Variants in ZC3H11A observed in about 807,000 individuals in gnomAD.
The protein encoded by ZC3H11A is zinc finger CCCH-type containing 11A.
Under a neutral mutation model 90.8 loss-of-function variants are expected in ZC3H11A, and 22 were observed. The ratio of observed to expected loss-of-function variants is 0.24; its 90% CI spans 0.17 to 0.35. The LOEUF (loss-of-function observed/expected upper bound fraction) is 0.35, where lower values mean the gene tolerates loss of function less well. Among genes scored for constraint, ZC3H11A ranks in the 10% least tolerant of loss-of-function variants. ZC3H11A has a pLI of 1.00. For missense variants in ZC3H11A, 701 were observed against 964.9 expected (o/e 0.73, Z 3.62); for synonymous variants, 294 against 339.8 (o/e 0.87, Z 1.48).
intron 2 of ZC3H11A, among the ~76,000 whole-genome samples, chr1:203,809,481 C>G (rs985071316): frequency 6.6e-6 from 1 of 152,036 alleles, no homozygotes; most frequent in Non-Finnish European, 1.5e-5. Flanking sequence ...CAGCCCCACT[C>G]TTTTTTCATA....
At chr1:203,847,078 A>C in intron 12 of ZC3H11A, 106 bp from the exon 13 acceptor site, 1 of 1,231,238 alleles carries the variant, frequency 8.1e-7, no homozygotes, top group Admixed American at 2.3e-5. Flanking sequence ...TGCCTGCTTA[A>C]ATGATAGCTC....
Position 203,802,039 on chromosome 1 carries a change from G to A in ZC3H11A, c.-1123G>A, listed in dbSNP as rs767265338. ...TGATACTGGTGTTGATACAAAATAA[G>A]AAATAAATTTTCCCTTAGATAAAGC... On this transcript the variant is annotated 5_prime_UTR_variant, in exon 2 of 18. Transcript: ENST00000367210. 1 of 152,546 alleles carries A rather than the reference G, an allele frequency of 6.6e-6. No homozygotes were observed. The highest frequency in any genetic ancestry group is 1.5e-5 in the Non-Finnish European group (1 of 67,994). 9.4% of individuals were successfully genotyped at this position (152,546 alleles called of 1,614,324 possible). A position where few individuals can be genotyped will look rare whatever the true frequency, so the allele number is the denominator to read the frequency against.
intron 12 of ZC3H11A, among the ~76,000 whole-genome samples, chr1:203,842,347 G>A (rs978654380): frequency 7.9e-5 from 12 of 152,280 alleles, no homozygotes; most frequent in Non-Finnish European, 1.6e-4. Context: ...CTGCAATCCC[G>A]GCACCTCGGG....
chr1:203,833,456 A>G (rs183141005), intron 9 of ZC3H11A, among the ~76,000 whole-genome samples: 1 of 151,132 alleles, frequency 6.6e-6, no homozygotes, highest in African/African-American at 2.4e-5. Flanking sequence ...GCTTGAACCC[A>G]GGAGGTGGAA....
chr1:203,815,211 C>CTTTCT (rs779729339), intron 2 of ZC3H11A, among the ~76,000 whole-genome samples: 1,144 of 59,246 alleles, frequency 0.019, 45 homozygotes, highest in African/African-American at 0.05. Flanking sequence ...TCTTCCTTTT[C>CTTTCT]TTTTCTTTTT....
intron 8 of ZC3H11A, among the ~76,000 whole-genome samples, chr1:203,830,844 A>G (rs1020863864): frequency 2.0e-5 from 3 of 150,872 alleles, no homozygotes; most frequent in Non-Finnish European, 3.0e-5. Context: ...ATTTTCTAGT[A>G]GAAGAGTTCT....
chr1:203,814,326 C>T lies in ZC3H11A; in HGVS notation c.-145-2600C>T, dbSNP rs188385820. On this transcript the variant is annotated intron_variant, in intron 2 of 17. Coordinates refer to ENST00000367210, the MANE Select transcript of ZC3H11A (RefSeq NM_001376342.1). ...ATCATCTGAGGTCAGAAGTTCAAGA[C>T]CAGCCTGGCCAACATGGCGAAACCC... Among the ~76,000 whole-genome samples the T allele has an allele frequency of 1.2e-4, 18 of 152,256 alleles. No individual in the cohort carries two copies. The East Asian group carries it at 3.5e-3, about 29-fold the overall frequency.
chr1:203,842,598 GGGGAGA>G (rs1686740642), intron 12 of ZC3H11A, among the ~76,000 whole-genome samples: 2 of 151,064 alleles, frequency 1.3e-5, no homozygotes, highest in Non-Finnish European at 3.0e-5. Flanking sequence ...GAGGGAGACC[GGGGAGA>G]GGGGGAGGGG....
chr1:203,829,324 A>C, intron 5 of ZC3H11A, 127 bp from the exon 6 acceptor site: 1 of 944,638 alleles, frequency 1.1e-6, no homozygotes. Flanking sequence ...TTAGAACTTA[A>C]ATGAGGAAAT....
chr1:203,815,297 C>T (rs575055614), intron 2 of ZC3H11A, among the ~76,000 whole-genome samples: 4 of 142,082 alleles, frequency 2.8e-5, no homozygotes, highest in Non-Finnish European at 6.0e-5. Context: ...TCACTGCAAC[C>T]TCTGCCTCCT....
intron 13 of ZC3H11A, 125 bp from the exon 14 acceptor site, chr1:203,848,206 G>T: frequency 3.7e-6 from 3 of 801,624 alleles, no homozygotes; most frequent in Non-Finnish European, 6.0e-6. Context: ...AGCACAGATG[G>T]GCTTTATCTG....
At chr1:203,829,694 G>C in intron 6 of ZC3H11A, 40 bp downstream of exon 6, 1 of 1,612,768 alleles carries the variant, frequency 6.2e-7, no homozygotes, top group Non-Finnish European at 8.5e-7. Flanking sequence ...CAAATAAATA[G>C]GGTCTCATAG....
At position 203,830,451 on chromosome 1, in the gene ZC3H11A, C is replaced by G. The variant is rs184989871; in HGVS notation, c.700+248C>G. Reference sequence around the variant, plus strand: ...CTTGTATATCTTGAAAAATATAGCTCTGAAGAACATCATATAAGAACTATA... The same window carrying G: ...CTTGTATATCTTGAAAAATATAGCTGTGAAGAACATCATATAAGAACTATA... On this transcript the variant is annotated intron_variant, in intron 8 of 17. Coordinates refer to ENST00000367210, the MANE Select transcript of ZC3H11A (RefSeq NM_001376342.1). 3.5e-3 allele frequency among the ~76,000 whole-genome samples: 527 copies of G among 152,248 alleles called. 1 individual carries two copies. The highest frequency in any genetic ancestry group is 7.7e-3 in the Admixed American group (117 of 15,284).
chr1:203,812,571 A>G (rs1276980036), intron 2 of ZC3H11A, among the ~76,000 whole-genome samples: 1 of 137,380 alleles, frequency 7.3e-6, no homozygotes, highest in South Asian at 2.2e-4. Context: ...GATTTTAGCC[A>G]TTCTAAATTT....
In ZC3H11A at chr1:203,816,918, C is replaced by T. The variant is rs1676575101; in HGVS notation, c.-145-8C>T. On this transcript the variant is annotated splice_region_variant and splice_polypyrimidine_tract_variant and intron_variant, in intron 2 of 17. Transcript: ENST00000367210. ...GAAATATTTTAATTCATTGTCTCCT[C>T]ATTTTAGGATTACAGTTTAAAGACA... The T allele has an allele frequency of 3.7e-6, 2 of 536,252 alleles. No individual in the cohort carries two copies. Among genetic ancestry groups the T allele is most frequent in the African/African-American group, 2.0e-5 (1 of 50,932 alleles). 33.2% of individuals were successfully genotyped at this position (536,252 alleles called of 1,614,324 possible).
intron 1 of ZC3H11A, chr1:203,796,306 T>G (rs1668480909): frequency 7.5e-6 from 3 of 397,868 alleles, no homozygotes; most frequent in Admixed American, 4.4e-5. Context: ...CCCGGTACTT[T>G]GGAGCTTGTC....
chr1:203,824,983 A>G (rs1033437285), intron 4 of ZC3H11A, among the ~76,000 whole-genome samples: 3 of 149,396 alleles, frequency 2.0e-5, no homozygotes, highest in African/African-American at 7.4e-5. Context: ...AGGCTGAGGC[A>G]GGAGAATTGC....
intron 10 of ZC3H11A, among the ~76,000 whole-genome samples, chr1:203,835,324 A>G (rs1683937031): frequency 6.6e-6 from 1 of 152,154 alleles, no homozygotes; most frequent in Non-Finnish European, 1.5e-5. Context: ...ATCAGTAAAT[A>G]TTTTCTGCAC....
intron 2 of ZC3H11A, chr1:203,806,049 C>G (rs1672225195): frequency 1.9e-6 from 1 of 527,092 alleles, no homozygotes; most frequent in East Asian, 4.7e-5. Context: ...GCTGCTCATA[C>G]ATCCGCTTTT....
Sources: gnomAD v4.1 joint callset for allele counts (sites outside exome capture counted in the v4.1 genomes callset) on GRCh38, gnomAD v4.1.1 for gene constraint, MANE v1.5 for transcripts, NCBI Gene and HGNC (gene_info 2026-07-23, HGNC 2026-07-21) for gene names.